ATXN7: variants seen among roughly 807,000 people sequenced by gnomAD.
ATXN7 encodes ataxin 7.
In ATXN7, 12 loss-of-function variants were observed where a neutral mutation model predicts 70.5. The observed-to-expected ratio is 0.17, with a 90% CI of 0.11 to 0.28. The LOEUF (loss-of-function observed/expected upper bound fraction) is 0.28. Among genes scored for constraint, ATXN7 ranks in the 10% least tolerant of loss-of-function variants. The pLI is 1.00. For missense variants in ATXN7, 1,256 were observed against 1,131.7 expected (o/e 1.11, Z -1.58); for synonymous variants, 498 against 448.7 (o/e 1.11, Z -1.39).
chr3:63,952,120 G>T (rs527650565), intron 4 of ATXN7, among the ~76,000 whole-genome samples: 3 of 152,226 alleles, frequency 2.0e-5, no homozygotes, highest in South Asian at 4.1e-4. Context: ...TTGCTTTATT[G>T]TGCAAATATA....
In ATXN7 at chr3:63,952,501, TA is replaced by T; in HGVS notation, c.499+24del. 2 of 1,544,940 alleles carry T rather than the reference TA, an allele frequency of 1.3e-6. No homozygotes were observed. Among genetic ancestry groups the T allele is most frequent in the Non-Finnish European group, 1.8e-6 (2 of 1,132,552 alleles). The stretch of plus-strand genomic sequence containing the variant: ...ACATTATGGTAAGTGCTTAACCATT[TA>T]AAAAATTGTTAATAGAAGGTAAAAG... On this transcript the variant is annotated intron_variant, in intron 5 of 12. Coordinates refer to ENST00000674280, the MANE Select transcript of ATXN7 (RefSeq NM_001377405.1).
At chr3:63,874,641 C>G (rs1204065540) in intron 1 of ATXN7, among the ~76,000 whole-genome samples, 1 of 152,174 alleles carries the variant, frequency 6.6e-6, no homozygotes, top group Admixed American at 6.5e-5. Flanking sequence ...TTCAGGTGTT[C>G]TGATTGCCCA....
At chr3:63,908,851 C>T (rs553443537) in intron 2 of ATXN7, among the ~76,000 whole-genome samples, 8 of 152,262 alleles carry the variant, frequency 5.3e-5, no homozygotes, top group African/African-American at 1.9e-4. Context: ...GAGAACATCC[C>T]TAAATTTGGG....
intron 5 of ATXN7, among the ~76,000 whole-genome samples, chr3:63,957,975 TA>T (rs142816309): frequency 0.02 from 2,999 of 152,340 alleles, 106 homozygotes; most frequent in African/African-American, 0.065. Flanking sequence ...CACCTATCGA[TA>T]ATGTTATATA....
chr3:63,914,229 C>T (rs1034883827), intron 4 of ATXN7, among the ~76,000 whole-genome samples: 14 of 152,172 alleles, frequency 9.2e-5, no homozygotes, highest in African/African-American at 2.9e-4. Context: ...CCAAAGTTTG[C>T]CCATTGTTAC....
At chr3:63,984,227 G>A (rs1311443597) in intron 8 of ATXN7, among the ~76,000 whole-genome samples, 2 of 150,514 alleles carry the variant, frequency 1.3e-5, no homozygotes, top group South Asian at 2.1e-4. Flanking sequence ...AAAAAACCAC[G>A]GTCCATCTTC....
intron 10 of ATXN7, 99 bp from the exon 11 acceptor site, chr3:63,990,639 T>C: frequency 6.4e-7 from 1 of 1,571,822 alleles, no homozygotes; most frequent in Non-Finnish European, 8.7e-7. Context: ...GAGGCAGTTC[T>C]GTCTTTCCTG....
chr3:63,929,609 C>G (rs139970464), intron 4 of ATXN7, among the ~76,000 whole-genome samples: 1 of 152,112 alleles, frequency 6.6e-6, no homozygotes, highest in African/African-American at 2.4e-5. Context: ...AATTTTTACT[C>G]GTACCCATTA....
chr3:63,892,495 CCACACA>C (rs376915162), intron 1 of ATXN7, among the ~76,000 whole-genome samples: 6 of 126,852 alleles, frequency 4.7e-5, no homozygotes, highest in Non-Finnish European at 8.3e-5. Flanking sequence ...ACACACACAC[CCACACA>C]CACACACACA....
intron 1 of ATXN7, among the ~76,000 whole-genome samples, chr3:63,894,111 C>G (rs1417710094): frequency 6.6e-6 from 1 of 152,120 alleles, no homozygotes; most frequent in Non-Finnish European, 1.5e-5. Context: ...GCATGGCTAC[C>G]TACAGGAGAC....
intron 11 of ATXN7, among the ~76,000 whole-genome samples, chr3:63,992,416 A>G (rs1427569822): frequency 6.6e-6 from 1 of 152,144 alleles, no homozygotes; most frequent in East Asian, 1.9e-4. Flanking sequence ...ACTCCCTAAG[A>G]TACATGAAAT....
In ATXN7 at chr3:63,980,071, C is replaced by G; in HGVS notation, c.656C>G (p.Ser219Cys). ...GTTCTTAGCGCATCCTCATCAAGTTCCAAGTTGTTGAAATCACCCAAAGAG... is the reference window on the plus strand; with the variant it reads ...GTTCTTAGCGCATCCTCATCAAGTTGCAAGTTGTTGAAATCACCCAAAGAG... ...GGVLSASSSS[S>C]KLLKSPKEKL... Residue 219 changes from serine (S) to cysteine (C), a missense_variant, in exon 6 of 13, where the codon TCC becomes TGC. By Grantham distance (112) the Ser-to-Cys change is moderately radical. Transcript: ENST00000674280. 1 of 1,614,156 alleles carries G rather than the reference C, an allele frequency of 6.2e-7. No homozygotes were observed. Among genetic ancestry groups the G allele is most frequent in the Non-Finnish European group, 8.5e-7 (1 of 1,180,038 alleles).
chr3:63,996,906 T>G (rs996919900), intron 12 of ATXN7, among the ~76,000 whole-genome samples: 1 of 152,346 alleles, frequency 6.6e-6, no homozygotes, highest in African/African-American at 2.4e-5. Context: ...TTCTTTAGTA[T>G]GTTCCGCTGA....
intron 1 of ATXN7, among the ~76,000 whole-genome samples, chr3:63,884,175 A>G (rs1310865493): frequency 6.6e-6 from 1 of 150,782 alleles, no homozygotes; most frequent in African/African-American, 2.4e-5. Context: ...AGTATCTTCT[A>G]GCTCCAGAAA....
intron 1 of ATXN7, among the ~76,000 whole-genome samples, chr3:63,892,460 C>T (rs958368923): frequency 2.1e-5 from 3 of 145,056 alleles, no homozygotes; most frequent in Non-Finnish European, 4.5e-5. Flanking sequence ...TGCCTCTTAT[C>T]GCTCCTTCAC....
At chr3:63,943,816 C>T (rs886184316) in intron 4 of ATXN7, among the ~76,000 whole-genome samples, 18 of 152,220 alleles carry the variant, frequency 1.2e-4, no homozygotes, top group African/African-American at 4.3e-4. Context: ...GCAGGGTACT[C>T]TAGACCATGT....
chr3:63,985,837 A>G (rs1005288612), intron 8 of ATXN7, among the ~76,000 whole-genome samples: 16 of 151,990 alleles, frequency 1.1e-4, no homozygotes, highest in Admixed American at 5.2e-4. Context: ...CACAGGCCTC[A>G]CTCTTTCTAG....
At chr3:63,863,484 C>T (rs552019552), upstream of ATXN7, 2 of 1,171,614 alleles carry the variant, frequency 1.7e-6, no homozygotes, top group Non-Finnish European at 2.1e-6. Context: ...CCCAGCCCAC[C>T]GACCACGCTC....
intron 5 of ATXN7, among the ~76,000 whole-genome samples, chr3:63,968,731 C>G (rs1252268168): frequency 1.3e-5 from 2 of 152,202 alleles, no homozygotes; most frequent in East Asian, 1.9e-4. Flanking sequence ...TAAGCTGATT[C>G]TTGGGTGGAT....
Sources: gnomAD v4.1 joint callset for allele counts (sites outside exome capture counted in the v4.1 genomes callset) on GRCh38, gnomAD v4.1.1 for gene constraint, MANE v1.5 for transcripts, NCBI Gene and HGNC (gene_info 2026-07-23, HGNC 2026-07-21) for gene names.